STX12: variants seen among roughly 807,000 people sequenced by gnomAD.
The protein encoded by STX12 is syntaxin 12.
STX12 carries 17 observed loss-of-function variants against 42.2 expected under a neutral mutation model. That is an observed-to-expected ratio of 0.40 (90% CI 0.28 to 0.60). The LOEUF is 0.60. Ranked by LOEUF, STX12 falls within the 20% of genes least tolerant of loss-of-function variation. The pLI is 0.39. For synonymous variants in STX12, 108 were observed against 116.7 expected (o/e 0.93, Z 0.48); for missense variants, 297 against 330.9 (o/e 0.90, Z 0.79).
At chr1:27,821,445 A>G (rs1415065087) in intron 8 of STX12, among the ~76,000 whole-genome samples, 1 of 152,198 alleles carries the variant, frequency 6.6e-6, no homozygotes, top group Non-Finnish European at 1.5e-5. Context: ...ATCAAACATC[A>G]TACAATGTGA....
chr1:27,793,651 G>A lies in STX12; in HGVS notation c.288+19G>A. ...AGAACAGGTTGGTATTTTCTGTTTT[G>A]TTTATTAATAGGAAAGGACTTTGTG... On this transcript the variant is annotated intron_variant, in intron 3 of 8. Coordinates refer to ENST00000373943, the MANE Select transcript of STX12 (RefSeq NM_177424.3). The A allele has an allele frequency of 6.3e-7, 1 of 1,599,426 alleles. No homozygotes were observed. Among genetic ancestry groups the A allele is most frequent in the Non-Finnish European group, 8.6e-7 (1 of 1,167,438 alleles).
chr1:27,802,717 T>G (rs2088835359), intron 4 of STX12, among the ~76,000 whole-genome samples: 1 of 152,176 alleles, frequency 6.6e-6, no homozygotes, highest in Non-Finnish European at 1.5e-5. Flanking sequence ...ATAATTTTTC[T>G]AGGGCAGTAA....
chr1:27,822,236 A>G lies in STX12; in HGVS notation c.738A>G (p.Lys246=), dbSNP rs780425718. The change falls in exon 9 of 9, where the codon AAA becomes AAG. Residue 246 remains lysine (K), a synonymous_variant. Coordinates refer to ENST00000373943, the MANE Select transcript of STX12 (RefSeq NM_177424.3). ...TTACATATTTCTTTCCTCAGAAAAAATCTCGCAAGAAGATGTGTATCCTGG... is the reference window on the plus strand; with the variant it reads ...TTACATATTTCTTTCCTCAGAAAAAGTCTCGCAAGAAGATGTGTATCCTGG... ...QLQRAAYYQK[K]SRKKMCILVL... is the part of the protein sequence containing the mutation. 3.1e-6 allele frequency: 5 copies of G among 1,607,818 alleles called. No individual in the cohort carries two copies. Among genetic ancestry groups the G allele is most frequent in the Non-Finnish European group, 4.3e-6 (5 of 1,174,322 alleles).
chr1:27,789,570 A>G lies in STX12; in HGVS notation c.127A>G (p.Ile43Val), dbSNP rs766848634. Residue 43 changes from isoleucine (I) to valine (V), a missense_variant, in exon 2 of 9, where the codon ATA (isoleucine) becomes GTA (valine). By Grantham distance (29) the Ile-to-Val change is conservative. Transcript: ENST00000373943. ...TCTTCCTATCTCCCCAGCTGCTCAG[A>G]TAAAGAATTTGATGAGCCAGCTAGG... ...IQRISQATAQIKNLMSQLGTK... is the reference protein window; with the variant it reads ...IQRISQATAQVKNLMSQLGTK... 3.1e-6 allele frequency: 5 copies of G among 1,613,500 alleles called. No homozygotes were observed. The highest frequency in any genetic ancestry group is 4.2e-6 in the Non-Finnish European group (5 of 1,179,622).
chr1:27,781,730 C>A (rs548695102), intron 1 of STX12, among the ~76,000 whole-genome samples: 9 of 152,072 alleles, frequency 5.9e-5, no homozygotes, highest in Non-Finnish European at 1.3e-4. Flanking sequence ...TCACCCCAAG[C>A]AGAGAGATCA....
chr1:27,799,782 C>T (rs868635682), intron 3 of STX12, among the ~76,000 whole-genome samples: 5 of 150,730 alleles, frequency 3.3e-5, no homozygotes, highest in Middle Eastern at 7.1e-3. Flanking sequence ...GACGGAGTTT[C>T]ACATGTGTTG....
chr1:27,809,460 CTTTTTTTTTTTT>C (rs561726749), intron 4 of STX12, among the ~76,000 whole-genome samples: 1 of 130,012 alleles, frequency 7.7e-6, no homozygotes, highest in Non-Finnish European at 1.6e-5. Flanking sequence ...CTCATATACT[CTTTTTTTTTTTT>C]TTTTTTGAGA....
rs752009745 is a variant in STX12, at chr1:27,789,605, G to T, written c.162G>T (p.Gln54His). ...TGATGAGCCAGCTAGGAACTAAGCA[G>T]GACTCAAGCAAGCTACAGGAAAATC... ...KNLMSQLGTKQDSSKLQENLQ... is the reference protein window; with the variant it reads ...KNLMSQLGTKHDSSKLQENLQ... The change falls in exon 2 of 9, where the codon CAG (glutamine) becomes CAT (histidine). Residue 54 changes from glutamine (Q) to histidine (H), a missense_variant. By Grantham distance (24) the Gln-to-His change is conservative (BLOSUM62 0). Coordinates refer to ENST00000373943, the MANE Select transcript of STX12 (RefSeq NM_177424.3). The T allele has an allele frequency of 1.2e-6, 2 of 1,613,536 alleles. No individual in the cohort carries two copies. Among genetic ancestry groups the T allele is most frequent in the Non-Finnish European group, 1.7e-6 (2 of 1,179,770 alleles).
At chr1:27,782,530 A>G (rs986050929) in intron 1 of STX12, among the ~76,000 whole-genome samples, 1 of 152,196 alleles carries the variant, frequency 6.6e-6, no homozygotes, top group African/African-American at 2.4e-5. Flanking sequence ...CTGTTATGGT[A>G]CAGTGGCTAT....
At chr1:27,788,304 A>G (rs1299793084) in intron 1 of STX12, among the ~76,000 whole-genome samples, 1 of 152,226 alleles carries the variant, frequency 6.6e-6, no homozygotes, top group Non-Finnish European at 1.5e-5. Flanking sequence ...GTAACCAGAA[A>G]AAGAAAATAG....
At chr1:27,792,468 T>C (rs1371485511) in intron 2 of STX12, among the ~76,000 whole-genome samples, 2 of 151,458 alleles carry the variant, frequency 1.3e-5, no homozygotes, top group African/African-American at 4.9e-5. Flanking sequence ...TATCTCTGGA[T>C]ATTTTCTACT....
At chr1:27,814,537 T>C (rs1051122899) in intron 6 of STX12, among the ~76,000 whole-genome samples, 2 of 146,102 alleles carry the variant, frequency 1.4e-5, no homozygotes, top group Non-Finnish European at 3.0e-5. Flanking sequence ...CAAATAATAA[T>C]AATAATCCTT....
At chr1:27,779,753 CTA>C (rs1399041922) in intron 1 of STX12, among the ~76,000 whole-genome samples, 1 of 151,978 alleles carries the variant, frequency 6.6e-6, no homozygotes, top group African/African-American at 2.4e-5. Context: ...TTTCTCAACT[CTA>C]TCTTTCAGTT....
chr1:27,819,390 TTCTC>T (rs1278246147), intron 7 of STX12, among the ~76,000 whole-genome samples: 5 of 152,194 alleles, frequency 3.3e-5, no homozygotes, highest in South Asian at 2.1e-4. Flanking sequence ...TATGTATTCT[TTCTC>T]TCTTTCTCTA....
chr1:27,802,851 C>T (rs2088836161), intron 4 of STX12, among the ~76,000 whole-genome samples: 1 of 152,068 alleles, frequency 6.6e-6, no homozygotes, highest in Admixed American at 6.6e-5. Flanking sequence ...TATAAGACAA[C>T]TATACTTATT....
chr1:27,792,060 AATAT>A (rs2088745773), intron 2 of STX12, among the ~76,000 whole-genome samples: 1 of 142,924 alleles, frequency 7.0e-6, no homozygotes, highest in African/African-American at 2.6e-5. Flanking sequence ...ATATATCTAT[AATAT>A]ATATAAAATA....
intron 2 of STX12, among the ~76,000 whole-genome samples, chr1:27,792,476 A>C (rs1442890259): frequency 6.6e-6 from 1 of 151,244 alleles, no homozygotes. Context: ...GATATTTTCT[A>C]CTGCCTGGGA....
chr1:27,811,135 C>T (rs2088900582), intron 5 of STX12, among the ~76,000 whole-genome samples: 1 of 151,544 alleles, frequency 6.6e-6, no homozygotes, highest in Non-Finnish European at 1.5e-5. Context: ...GCCTGGCCAA[C>T]ATGGTGAAAC....
At position 27,812,230 on chromosome 1, in the gene STX12, C is replaced by A. The variant is rs1192344738; in HGVS notation, c.538C>A (p.Leu180Ile). The A allele has an allele frequency of 6.4e-7, 1 of 1,560,404 alleles. No individual in the cohort carries two copies. Among genetic ancestry groups the A allele is most frequent in the South Asian group, 1.2e-5 (1 of 84,574 alleles). ...GGCCATCACTGAGCAGGATTTGGAA[C>A]TTATTAAAGAAAGAGAAACGGCAAT... The part of the protein sequence containing the change: ...EVAITEQDLE[L>I]IKERETAIRQ... Residue 180 changes from leucine (L) to isoleucine (I), a missense_variant, in exon 6 of 9, where the codon CTT becomes ATT. Transcript: ENST00000373943.
Sources: allele counts gnomAD v4.1 joint callset (sites outside exome capture counted in the v4.1 genomes callset), GRCh38; gene constraint gnomAD v4.1.1; transcripts MANE v1.5; gene names NCBI Gene and HGNC (gene_info 2026-07-23, HGNC 2026-07-21).